CTNND2: variants seen among roughly 807,000 people sequenced by gnomAD.
The protein encoded by CTNND2 is catenin delta-2.
In CTNND2, 22 loss-of-function variants were observed where a neutral mutation model predicts 144.4. The ratio of observed to expected loss-of-function variants is 0.15; its 90% CI spans 0.11 to 0.22. CTNND2 has a LOEUF of 0.22. Ranked by LOEUF, CTNND2 falls within the 10% of genes least tolerant of loss-of-function variation. CTNND2 has a pLI of 1.00. For synonymous variants in CTNND2, 751 were observed against 695.6 expected (o/e 1.08, Z -1.25); for missense variants, 1,353 against 1,618.8 (o/e 0.84, Z 2.82).
At chr5:11,150,108 T>A (rs1757605118) in intron 12 of CTNND2, among the ~76,000 whole-genome samples, 1 of 152,180 alleles carries the variant, frequency 6.6e-6, no homozygotes, top group Admixed American at 6.5e-5. Context: ...GCTAATTCTC[T>A]CTGCTCACCC....
At chr5:11,472,477 T>C (rs758148002) in intron 3 of CTNND2, among the ~76,000 whole-genome samples, 58 of 152,206 alleles carry the variant, frequency 3.8e-4, no homozygotes, top group Non-Finnish European at 7.1e-4. Context: ...CATCCCTAAT[T>C]AATTGCCTTT....
intron 3 of CTNND2, among the ~76,000 whole-genome samples, chr5:11,524,724 A>C (rs1450108863): frequency 6.6e-6 from 1 of 152,246 alleles, no homozygotes; most frequent in Non-Finnish European, 1.5e-5. Context: ...AATGATTGTC[A>C]AAACAAAATT....
intron 1 of CTNND2, among the ~76,000 whole-genome samples, chr5:11,771,989 A>C (rs375666262): frequency 3.9e-4 from 60 of 152,336 alleles, no homozygotes; most frequent in African/African-American, 1.3e-3. Context: ...GCTGATCCAA[A>C]GGACAGTTAC....
At chr5:11,684,554 T>G (rs1050167609) in intron 2 of CTNND2, among the ~76,000 whole-genome samples, 1 of 152,362 alleles carries the variant, frequency 6.6e-6, no homozygotes. Context: ...CTCCAAACTC[T>G]ATTTCTTCCA....
intron 8 of CTNND2, among the ~76,000 whole-genome samples, chr5:11,353,418 T>C (rs546677976): frequency 2.0e-5 from 3 of 152,312 alleles, no homozygotes; most frequent in Admixed American, 2.0e-4. Flanking sequence ...AAGTGCAATA[T>C]GTTTGGCAGA....
At chr5:11,082,606 T>C (rs1749693137) in intron 16 of CTNND2, 90 bp downstream of exon 16, 6 of 1,441,114 alleles carry the variant, frequency 4.2e-6, no homozygotes, top group Middle Eastern at 3.6e-4. Flanking sequence ...TGTGTAAGCA[T>C]AGGCTATGCA....
chr5:11,047,264 A>T (rs960639204), intron 16 of CTNND2, among the ~76,000 whole-genome samples: 1 of 152,216 alleles, frequency 6.6e-6, no homozygotes, highest in Admixed American at 6.5e-5. Flanking sequence ...CAGGAGGATG[A>T]TGTCACAGGA....
chr5:11,696,556 C>A (rs1387735554), intron 2 of CTNND2, among the ~76,000 whole-genome samples: 1 of 152,166 alleles, frequency 6.6e-6, no homozygotes, highest in Non-Finnish European at 1.5e-5. Context: ...TGATCAACAG[C>A]AGATATTTTT....
At chr5:11,214,376 A>G in intron 10 of CTNND2, among the ~76,000 whole-genome samples, 1 of 152,174 alleles carries the variant, frequency 6.6e-6, no homozygotes, top group Non-Finnish European at 1.5e-5. Flanking sequence ...TGTATTTTTA[A>G]TACTTTAAAA....
chr5:11,092,781 C>A (rs1316083135), intron 15 of CTNND2, among the ~76,000 whole-genome samples: 1 of 152,200 alleles, frequency 6.6e-6, no homozygotes, highest in East Asian at 1.9e-4. Context: ...TAAAGCTTGG[C>A]ATCACACCAT....
intron 6 of CTNND2, among the ~76,000 whole-genome samples, chr5:11,395,807 CT>C (rs35580387): frequency 0.012 from 1,886 of 152,356 alleles, 38 homozygotes; most frequent in African/African-American, 0.042. Flanking sequence ...ATCCAAAAAA[CT>C]TCCAGCTCCT....
intron 1 of CTNND2, among the ~76,000 whole-genome samples, chr5:11,768,411 T>A (rs1789721847): frequency 6.6e-6 from 1 of 152,130 alleles, no homozygotes; most frequent in African/African-American, 2.4e-5. Flanking sequence ...TGCCTCAGCC[T>A]CCCCAGTAGC....
At chr5:11,515,781 T>C (rs1202524731) in intron 3 of CTNND2, among the ~76,000 whole-genome samples, 1 of 152,190 alleles carries the variant, frequency 6.6e-6, no homozygotes, top group Non-Finnish European at 1.5e-5. Context: ...AAAAACATTA[T>C]AAAATCTATC....
intron 3 of CTNND2, among the ~76,000 whole-genome samples, chr5:11,448,020 C>A (rs936966327): frequency 3.3e-5 from 5 of 152,096 alleles, no homozygotes; most frequent in East Asian, 1.9e-4. Flanking sequence ...CTAAATCAAG[C>A]CTTGGGCAAG....
intron 2 of CTNND2, among the ~76,000 whole-genome samples, chr5:11,572,565 A>T (rs1777645702): frequency 6.6e-6 from 1 of 152,050 alleles, no homozygotes; most frequent in African/African-American, 2.4e-5. Flanking sequence ...ATTAGATGAC[A>T]TCCTCCTGAT....
chr5:11,877,379 C>T (rs534259355), intron 1 of CTNND2, among the ~76,000 whole-genome samples: 37 of 152,130 alleles, frequency 2.4e-4, no homozygotes, highest in African/African-American at 8.4e-4. Context: ...TTGCTATTTG[C>T]TGTTTTAATT....
intron 1 of CTNND2, among the ~76,000 whole-genome samples, chr5:11,746,162 T>C (rs1561757222): frequency 1.3e-5 from 2 of 152,138 alleles, no homozygotes; most frequent in Non-Finnish European, 1.5e-5. Flanking sequence ...ACCAAGCCTC[T>C]TGCCACTCCC....
chr5:11,040,619 T>A (rs557719401), intron 16 of CTNND2, among the ~76,000 whole-genome samples: 28 of 152,188 alleles, frequency 1.8e-4, no homozygotes, highest in Non-Finnish European at 3.8e-4. Flanking sequence ...GGCTGAGATA[T>A]GCATATTTAA....
At chr5:11,008,100 C>T (rs192074861) in intron 18 of CTNND2, among the ~76,000 whole-genome samples, 1 of 152,278 alleles carries the variant, frequency 6.6e-6, no homozygotes, top group Non-Finnish European at 1.5e-5. Context: ...AGGAGCCAAA[C>T]CCCTGGCTCT....
Sources: gnomAD v4.1 joint callset for allele counts (sites outside exome capture counted in the v4.1 genomes callset) on GRCh38, gnomAD v4.1.1 for gene constraint, MANE v1.5 for transcripts, NCBI Gene and HGNC (gene_info 2026-07-23, HGNC 2026-07-21) for gene names.